The following DAPK2 variants were observed in gnomAD, a reference collection of about 807,000 sequenced individuals.
The protein encoded by DAPK2 is death associated protein kinase 2.
A neutral mutation model predicts 44.1 loss-of-function variants in DAPK2; 35 were observed. That is an observed-to-expected ratio of 0.79 (90% CI 0.61 to 1.05). DAPK2 has a LOEUF of 1.05. Ranked by LOEUF, DAPK2 falls within the 50% of genes least tolerant of loss-of-function variation. The pLI is 0.00. For synonymous variants in DAPK2, 174 were observed against 182.6 expected (o/e 0.95, Z 0.38); for missense variants, 453 against 483.2 (o/e 0.94, Z 0.59).
At chr15:63,925,266 C>T (rs2079209666) in intron 7 of DAPK2, among the ~76,000 whole-genome samples, 1 of 152,172 alleles carries the variant, frequency 6.6e-6, no homozygotes, top group South Asian at 2.1e-4. Context: ...AGCAACTCTC[C>T]CTAGCACTGT....
chr15:63,972,258 TG>T (rs1371922066), intron 2 of DAPK2, among the ~76,000 whole-genome samples: 2 of 152,136 alleles, frequency 1.3e-5, no homozygotes, highest in Non-Finnish European at 2.9e-5. Flanking sequence ...TGGTACCAAG[TG>T]TGGAGTGCTA....
chr15:63,925,902 T>C, intron 7 of DAPK2, 39 bp downstream of exon 8: 1 of 1,613,516 alleles, frequency 6.2e-7, no homozygotes. Flanking sequence ...CAGGAAGGGA[T>C]CAGTACCTGA....
intron 1 of DAPK2, among the ~76,000 whole-genome samples, chr15:63,984,683 C>A (rs2140870203): frequency 6.6e-6 from 1 of 152,304 alleles, no homozygotes; most frequent in African/African-American, 2.4e-5. Flanking sequence ...TTTCTTGCCA[C>A]CCAAAATACC....
intron 1 of DAPK2, among the ~76,000 whole-genome samples, chr15:64,001,680 T>C (rs1384129652): frequency 6.6e-6 from 1 of 152,218 alleles, no homozygotes; most frequent in East Asian, 1.9e-4. Flanking sequence ...TCCTAAATGT[T>C]GTACCAGCGG....
At position 63,990,087 on chromosome 15, in the gene DAPK2, T is replaced by C. The variant is rs1311767179; in HGVS notation, c.93-6333A>G. On this transcript the variant is annotated intron_variant, in intron 1 of 10. Coordinates refer to ENST00000261891, the Ensembl canonical transcript of DAPK2. This position sits in a 1 kb window ranked among gnomAD's most constrained non-coding sequence, Gnocchi z 4.3. ...TGCCACCCACCCTCACCCTCTGTGG[T>C]AAGCCACAGCCAACCAGACTTGTTC... Among the ~76,000 whole-genome samples, 1 of 152,128 alleles carries C rather than the reference T, an allele frequency of 6.6e-6. No homozygotes were observed. Among genetic ancestry groups the C allele is most frequent in the East Asian group, 1.9e-4 (1 of 5,180 alleles).
chr15:63,967,088 A>G (rs149306941), intron 3 of DAPK2, among the ~76,000 whole-genome samples: 64,480 of 151,966 alleles, frequency 0.42, 14,281 homozygotes, highest in Non-Finnish European at 0.48. Flanking sequence ...GCTGAGGCAG[A>G]AGAATGGCGT....
chr15:64,007,014 AGT>A (rs2079248473), intron 1 of DAPK2, among the ~76,000 whole-genome samples: 1 of 152,160 alleles, frequency 6.6e-6, no homozygotes, highest in Non-Finnish European at 1.5e-5. Context: ...ATCTAAAGGC[AGT>A]GGTGGGCCCA....
rs185249778 is a variant in DAPK2, at chr15:64,003,177, A to G, written c.93-19423T>C. 5.9e-4 allele frequency among the ~76,000 whole-genome samples: 90 copies of G among 151,966 alleles called. No individual in the cohort carries two copies. In the East Asian group the frequency reaches 0.016, roughly 27 times the overall value. ...TGGGGAAGAACTGATCTCAGGGGAG[A>G]CCCCTTGAGGATAGAATGGACAGAC... On this transcript the variant is annotated intron_variant, in intron 1 of 10. Coordinates refer to ENST00000261891, the Ensembl canonical transcript of DAPK2.
chr15:64,007,707 T>C (rs2079273064), intron 1 of DAPK2, among the ~76,000 whole-genome samples: 1 of 152,240 alleles, frequency 6.6e-6, no homozygotes, highest in African/African-American at 2.4e-5. Flanking sequence ...TCAAATAGCT[T>C]GGAGCATACA....
In DAPK2 at chr15:63,924,732, G is replaced by GCC. The variant is rs1287416380; in HGVS notation, c.858+82_858+83dup. ...GTTTAAAGCAAAGGCCTCTCCATGG[G>GCC]CCCTCTGCATCTGGCTGCCCAGGCC... On this transcript the variant is annotated intron_variant, in intron 8 of 10. Coordinates refer to ENST00000261891, the Ensembl canonical transcript of DAPK2. 7 of 1,471,664 alleles carry GCC rather than the reference G, an allele frequency of 4.8e-6. No homozygotes were observed. The East Asian group carries it at 1.4e-4, about 29-fold the overall frequency. 91.2% of individuals were successfully genotyped at this position (1,471,664 alleles called of 1,614,324 possible). A position where few individuals can be genotyped will look rare whatever the true frequency, so the allele number is the denominator to read the frequency against.
At chr15:64,039,917 G>A (rs1356188393) in intron 1 of DAPK2, among the ~76,000 whole-genome samples, 1 of 152,210 alleles carries the variant, frequency 6.6e-6, no homozygotes, top group Non-Finnish European at 1.5e-5. Context: ...AATCATGAAG[G>A]TTGTCCCTGC....
At position 64,033,976 on chromosome 15, in the gene DAPK2, C is replaced by T. The variant is rs531469084; in HGVS notation, c.92+6194G>A. Among the ~76,000 whole-genome samples, 6 of 151,558 alleles carry T rather than the reference C, an allele frequency of 4.0e-5. No individual in the cohort carries two copies. In the South Asian group the frequency reaches 8.4e-4, roughly 21 times the overall value. On this transcript the variant is annotated intron_variant, in intron 1 of 10. Transcript: ENST00000261891. Reference sequence around the variant, plus strand: ...TCTACCTGTGGGGTGTGAGACTCAGCGAGAGGGCAGAGGGAGTTCTACTTT... The same window carrying T: ...TCTACCTGTGGGGTGTGAGACTCAGTGAGAGGGCAGAGGGAGTTCTACTTT...
Position 64,002,973 on chromosome 15 carries a change from C to CGTGT in DAPK2, c.93-19220_93-19219insACAC, listed in dbSNP as rs1567266632. Among the ~76,000 whole-genome samples, 251 of 75,502 alleles carry CGTGT rather than the reference C, an allele frequency of 3.3e-3. 5 individuals are homozygous for CGTGT. Among genetic ancestry groups the CGTGT allele is most frequent in the African/African-American group, 0.013 (217 of 16,686 alleles). 49.5% of individuals were successfully genotyped at this position (75,502 alleles called of 152,430 possible). A position where few individuals can be genotyped will look rare whatever the true frequency, so the allele number is the denominator to read the frequency against. Reference sequence around the variant, plus strand: ...GTGTGTGTGTGTGTGTGTCGTGGGACCTGTGTGTGTGTGTGTGTGTGTGTG... The same window carrying CGTGT: ...GTGTGTGTGTGTGTGTGTCGTGGGACGTGTCTGTGTGTGTGTGTGTGTGTGTGTG... On this transcript the variant is annotated intron_variant, in intron 1 of 10. Transcript: ENST00000261891.
At chr15:63,957,357 T>C (rs568065592) in intron 3 of DAPK2, among the ~76,000 whole-genome samples, 1 of 152,242 alleles carries the variant, frequency 6.6e-6, no homozygotes, top group South Asian at 2.1e-4. Context: ...GGTCTGGTTT[T>C]TTCTTTATTA....
At chr15:63,965,816 A>G (rs1338221567) in intron 3 of DAPK2, among the ~76,000 whole-genome samples, 1 of 152,206 alleles carries the variant, frequency 6.6e-6, no homozygotes, top group Non-Finnish European at 1.5e-5. Flanking sequence ...GCTTGTGGTG[A>G]ATACTGCCAG....
intron 10 of DAPK2, chr15:63,910,843 C>A (rs985437698): frequency 6.6e-6 from 1 of 152,248 alleles, no homozygotes; most frequent in African/African-American, 2.4e-5. Context: ...TAGGCACGAA[C>A]CACTACTGCC....
At chr15:63,998,221 T>A (rs1418324516) in intron 1 of DAPK2, among the ~76,000 whole-genome samples, 1 of 152,164 alleles carries the variant, frequency 6.6e-6, no homozygotes. Context: ...GGGTGCAGGC[T>A]GCCCTTCCCT....
chr15:63,950,071 A>C (rs182518607), intron 3 of DAPK2, among the ~76,000 whole-genome samples: 16 of 152,312 alleles, frequency 1.1e-4, no homozygotes, highest in African/African-American at 3.6e-4. Context: ...GATTTCTACC[A>C]AGTCTTACCT....
intron 3 of DAPK2, among the ~76,000 whole-genome samples, chr15:63,970,770 C>G (rs1257806512): frequency 6.6e-6 from 1 of 152,222 alleles, no homozygotes; most frequent in Admixed American, 6.5e-5. Flanking sequence ...TGCAACTGAG[C>G]TCAGTTACTA....
Sources: gnomAD v4.1 joint callset for allele counts (sites outside exome capture counted in the v4.1 genomes callset) on GRCh38, gnomAD v4.1.1 for gene constraint, Gnocchi (gnomAD v3.1) non-coding constraint, MANE v1.5 for transcripts, NCBI Gene and HGNC (gene_info 2026-07-23, HGNC 2026-07-21) for gene names.